RIGI: variants seen among roughly 807,000 people sequenced by gnomAD.
RIGI encodes the protein antiviral innate immune response receptor RIG-I.
chr9:32,476,926 C>G, the RIGI span: 9 of 1,450,760 alleles, frequency 6.2e-6, no homozygotes, highest in Non-Finnish European at 8.5e-6. Context: ...CCAGCCCAAT[C>G]TTTTCAATGA....
At chr9:32,460,494 A>G in the RIGI span, among the ~76,000 whole-genome samples, 3 of 152,386 alleles carry the variant, frequency 2.0e-5, no homozygotes, top group South Asian at 4.1e-4. Flanking sequence ...TGAAAAAAAA[A>G]GACAATCATA....
chr9:32,468,069 C>T, the RIGI span: 2 of 739,000 alleles, frequency 2.7e-6, no homozygotes, highest in Non-Finnish European at 2.1e-6. Flanking sequence ...TCTCACAACA[C>T]ACCTAGGCAG....
At chr9:32,495,101 A>G in the RIGI span, among the ~76,000 whole-genome samples, 1 of 152,232 alleles carries the variant, frequency 6.6e-6, no homozygotes, top group Non-Finnish European at 1.5e-5. Flanking sequence ...GGACTGCCAT[A>G]CTGTTTTCCA....
chr9:32,457,025 A>G, the RIGI span: 7 of 907,912 alleles, frequency 7.7e-6, no homozygotes, highest in Non-Finnish European at 1.2e-5. Flanking sequence ...ATATATTTTC[A>G]CAGGGGTACA....
chr9:32,488,896 A>G, the RIGI span: 1 of 1,587,794 alleles, frequency 6.3e-7, no homozygotes. Flanking sequence ...ACCTTTTAAC[A>G]TGTAAGGAAA....
chr9:32,504,185 G>T, the RIGI span, among the ~76,000 whole-genome samples: 1 of 152,046 alleles, frequency 6.6e-6, no homozygotes, highest in Non-Finnish European at 1.5e-5. Context: ...TTTCCAAGAC[G>T]TTACTAGCGT....
the RIGI span, among the ~76,000 whole-genome samples, chr9:32,501,809 G>A: frequency 2.6e-5 from 4 of 152,158 alleles, no homozygotes; most frequent in Non-Finnish European, 5.9e-5. Flanking sequence ...ACAAAGGTAT[G>A]TTTAATGAAT....
At chr9:32,466,571 T>G in the RIGI span, 2 of 825,800 alleles carry the variant, frequency 2.4e-6, no homozygotes, top group Non-Finnish European at 3.7e-6. Context: ...CCCAGGAAAG[T>G]TGAGCTGTTA....
chr9:32,509,041 G>A, the RIGI span, among the ~76,000 whole-genome samples: 2 of 152,116 alleles, frequency 1.3e-5, no homozygotes, highest in African/African-American at 2.4e-5. Flanking sequence ...TAGCTAGACT[G>A]CCTCTCTAGA....
At chr9:32,518,155 AG>A in the RIGI span, among the ~76,000 whole-genome samples, 1 of 152,216 alleles carries the variant, frequency 6.6e-6, no homozygotes, top group Non-Finnish European at 1.5e-5. Context: ...GTTTTTATTC[AG>A]AAAAAAATTT....
chr9:32,508,508 C>T, the RIGI span, among the ~76,000 whole-genome samples: 2 of 151,992 alleles, frequency 1.3e-5, no homozygotes, highest in African/African-American at 4.8e-5. Context: ...CTGGGAACTC[C>T]CTCCCCTAGC....
the RIGI span, chr9:32,473,122 T>G: frequency 7.7e-7 from 1 of 1,294,608 alleles, no homozygotes; most frequent in African/African-American, 1.5e-5. Flanking sequence ...TTGTATTAAT[T>G]CAATATTGAA....
the RIGI span, among the ~76,000 whole-genome samples, chr9:32,475,739 T>A: frequency 6.6e-6 from 1 of 152,136 alleles, no homozygotes; most frequent in Non-Finnish European, 1.5e-5. Flanking sequence ...GTGAAAATCC[T>A]TGTGACCTTA....
the RIGI span, among the ~76,000 whole-genome samples, chr9:32,511,550 C>A: frequency 2.0e-5 from 3 of 152,124 alleles, no homozygotes; most frequent in African/African-American, 7.2e-5. Flanking sequence ...AAAGACACAA[C>A]GTACCAGAAT....
chr9:32,459,759 T>TA, the RIGI span, among the ~76,000 whole-genome samples: 1 of 152,166 alleles, frequency 6.6e-6, no homozygotes, highest in Non-Finnish European at 1.5e-5. Context: ...AAAATGCTCA[T>TA]AAAAGCACTA....
chr9:32,471,034 G>A, the RIGI span, among the ~76,000 whole-genome samples: 15 of 152,368 alleles, frequency 9.8e-5, no homozygotes, highest in African/African-American at 3.4e-4. Flanking sequence ...CAAGGTGGCA[G>A]ATTACTTGAG....
the RIGI span, chr9:32,459,235 TAGC>T: frequency 2.6e-6 from 3 of 1,135,868 alleles, no homozygotes; most frequent in Non-Finnish European, 2.5e-6. Flanking sequence ...TTTCACTTCT[TAGC>T]TTTTTTTAAA....
the RIGI span, among the ~76,000 whole-genome samples, chr9:32,482,533 G>A: frequency 2.6e-5 from 4 of 151,980 alleles, no homozygotes; most frequent in Non-Finnish European, 5.9e-5. Context: ...AAAAATAACA[G>A]GTCTCAAGAG....
At chr9:32,466,581 A>C in the RIGI span, 15 of 756,860 alleles carry the variant, frequency 2.0e-5, no homozygotes, top group Non-Finnish European at 2.9e-5. Context: ...TTGAGCTGTT[A>C]AAGAGTGAAC....
Sources: gnomAD v4.1 joint callset for allele counts (sites outside exome capture counted in the v4.1 genomes callset) on GRCh38, gnomAD v4.1.1 for gene constraint, MANE v1.5 for transcripts, NCBI Gene and HGNC (gene_info 2026-07-23, HGNC 2026-07-21) for gene names.